The following SALL1 variants were observed in gnomAD, a reference collection of about 807,000 sequenced individuals.
SALL1 encodes the protein spalt like transcription factor 1.
Under a neutral mutation model 73.1 loss-of-function variants are expected in SALL1, and 10 were observed. The ratio of observed to expected loss-of-function variants is 0.14; its 90% CI spans 0.08 to 0.23. SALL1 has a LOEUF of 0.23. SALL1 is among the 10% of genes least tolerant of loss of function. The pLI, the probability that SALL1 is intolerant of heterozygous loss-of-function variation, is 1.00. For missense variants in SALL1, 1,520 were observed against 1,697.3 expected, an observed-to-expected ratio of 0.90 and a Z score of 1.84; for synonymous variants, 688 against 689.8, an observed-to-expected ratio of 1.00 and a Z score of 0.04.
chr16:51,138,881 G>T lies in SALL1; in HGVS notation c.3341C>A (p.Ser1114Tyr). 1.2e-6 allele frequency: 2 copies of T among 1,614,228 alleles called. No individual in the cohort carries two copies. Among genetic ancestry groups the T allele is most frequent in the Non-Finnish European group, 1.7e-6 (2 of 1,180,050 alleles). The change falls in exon 2 of 3, where the codon TCT (serine) becomes TAT (tyrosine). Residue 1114 changes from serine to tyrosine, a missense_variant. Around this residue, in one of 7 missense-constraint regions of SALL1, gnomAD observed 318 missense variants for 357.1 expected, o/e 0.89. Coordinates refer to ENST00000251020, the MANE Select transcript of SALL1 (RefSeq NM_002968.3). ...CAGAACTGGGGATGTGGCAGAGGAA[G>T]ACAGAGGCCCAGACGGGACGTGACT... ...PTSHVPSGPL[S>Y]SSATSPVLLP...
In SALL1 at chr16:51,141,471, G is replaced by A. The variant is rs772476680; in HGVS notation, c.751C>T (p.Arg251Cys). ...IHQLQLIEQI[R>C]HQILLLASQN... is the part of the protein sequence containing the mutation. ...GAAGCCAACAGCAATATTTGGTGAC[G>A]AATCTGTTCGATCAATTGCAGCTGG... Residue 251 changes from arginine to cysteine, a missense_variant, in exon 2 of 3, where the codon CGT (arginine) becomes TGT (cysteine). Physicochemically the swap from Arg to Cys is radical, Grantham distance 180. Around this residue, in one of 7 missense-constraint regions of SALL1, gnomAD observed 540 missense variants for 567.5 expected, o/e 0.95. Transcript: ENST00000251020. This position sits in a 1 kb window ranked among gnomAD's most constrained non-coding sequence, Gnocchi z 5.4. 8.1e-6 allele frequency: 13 copies of A among 1,614,164 alleles called. No homozygotes were observed. The highest frequency in any genetic ancestry group is 3.3e-5 in the Admixed American group (2 of 60,032).
In SALL1 at chr16:51,141,101, G is replaced by T; in HGVS notation, c.1121C>A (p.Ser374Tyr). 6.2e-7 allele frequency: 1 copy of T among 1,614,236 alleles called. No individual in the cohort carries two copies. The highest frequency in any genetic ancestry group is 1.1e-5 in the South Asian group (1 of 91,082). ...ACTGCTTATTGCAAAAGCTGGTGAG[G>T]ACGATGATGAGACCGCTGGGTTGCT... The part of the protein sequence containing the change: ...HVSNPAVSSS[S>Y]SPAFAISSLL... Residue 374 changes from serine to tyrosine, a missense_variant, in exon 2 of 3, where the codon TCC (serine) becomes TAC (tyrosine). Ser to Tyr is a moderately radical substitution (Grantham distance 144, BLOSUM62 -2). Around this residue, in one of 7 missense-constraint regions of SALL1, gnomAD observed 540 missense variants for 567.5 expected, o/e 0.95. Transcript: ENST00000251020. This position sits in a 1 kb window ranked among gnomAD's most constrained non-coding sequence, Gnocchi z 5.4.
Position 51,141,446 on chromosome 16 carries a change from G to A in SALL1, c.776C>T (p.Ser259Phe). Residue 259 changes from serine to phenylalanine, a missense_variant, in exon 2 of 3, where the codon TCT becomes TTT. Ser to Phe is a radical substitution (Grantham distance 155). This residue lies in a region of SALL1 where 540 missense variants were observed against 567.5 expected (regional missense o/e 0.95). Coordinates refer to ENST00000251020, the MANE Select transcript of SALL1 (RefSeq NM_002968.3). The surrounding 1 kb of genome is among the most constrained non-coding windows in gnomAD (Gnocchi z 5.4). ...AGATGTTGGCAAGTCTGCATTCTGA[G>A]AAGCCAACAGCAATATTTGGTGACG... ...QIRHQILLLASQNADLPTSSS... is the reference protein window; with the variant it reads ...QIRHQILLLAFQNADLPTSSS... 1.2e-6 allele frequency: 2 copies of A among 1,614,192 alleles called. No individual in the cohort carries two copies. The highest frequency in any genetic ancestry group is 8.5e-7 in the Non-Finnish European group (1 of 1,180,052).
Position 51,140,240 on chromosome 16 carries a change from G to A in SALL1, c.1982C>T (p.Pro661Leu). 1 of 1,614,216 alleles carries A rather than the reference G, an allele frequency of 6.2e-7. No homozygotes were observed. Among genetic ancestry groups the A allele is most frequent in the Non-Finnish European group, 8.5e-7 (1 of 1,180,054 alleles). Residue 661 changes from proline (P) to leucine (L), a missense_variant, in exon 2 of 3, where the codon CCT (proline) becomes CTT (leucine). Pro to Leu is a moderately conservative substitution (Grantham distance 98, BLOSUM62 -3). Transcript: ENST00000251020. The surrounding 1 kb of genome is among the most constrained non-coding windows in gnomAD (Gnocchi z 5.7). ...PAGSATTFTN[P>L]LLPLMSEQFK... ...CTGCTCGGACATGAGCGGCAACAAA[G>A]GGTTGGTGAAGGTGGTGGCACTGCC... is the stretch of plus-strand genomic sequence containing the variant.
In SALL1 at chr16:51,141,547, G is replaced by C. The variant is rs144398338; in HGVS notation, c.675C>G (p.Ala225=). The change falls in exon 2 of 3, where the codon GCC becomes GCG. Residue 225 remains alanine (A), a synonymous_variant. Transcript: ENST00000251020. The surrounding 1 kb of genome is among the most constrained non-coding windows in gnomAD (Gnocchi z 5.4). ...RCGGASGGKL[A]VPALMEQLLA... is the part of the protein sequence containing the mutation. Reference sequence around the variant, plus strand: ...GGAGTTGTTCCATGAGGGCTGGGACGGCCAGCTTGCCCCCAGAGGCCCCGC... The same window carrying C: ...GGAGTTGTTCCATGAGGGCTGGGACCGCCAGCTTGCCCCCAGAGGCCCCGC... The C allele has an allele frequency of 6.2e-7, 1 of 1,614,070 alleles. No individual in the cohort carries two copies.
At chr16:51,143,842 G>C (rs1374483671) in intron 1 of SALL1, among the ~76,000 whole-genome samples, 1 of 152,150 alleles carries the variant, frequency 6.6e-6, no homozygotes, top group African/African-American at 2.4e-5. Context: ...TAACAAGCTA[G>C]CTTTCCTAAT....
At chr16:51,150,682 C>G (rs983561291) in intron 1 of SALL1, 17 of 661,252 alleles carry the variant, frequency 2.6e-5, no homozygotes, top group Non-Finnish European at 3.0e-5. Flanking sequence ...CGGAGTTCAG[C>G]CCAGCGCCCG....
upstream of SALL1, chr16:51,151,291 T>C: frequency 1.5e-6 from 2 of 1,357,496 alleles, no homozygotes; most frequent in Non-Finnish European, 2.0e-6. Context: ...TAAAAAAAAA[T>C]CTTCTCAAAA....
At chr16:51,150,431 G>A (rs991858345) in intron 1 of SALL1, 44 of 985,448 alleles carry the variant, frequency 4.5e-5, no homozygotes, top group Non-Finnish European at 5.2e-5. Context: ...AAGAGATGCG[G>A]AGATAAATTT....
At chr16:51,151,402 C>T, upstream of SALL1, 2 of 242,378 alleles carry the variant, frequency 8.3e-6, no homozygotes, top group Non-Finnish European at 1.5e-5. Context: ...GCGCATGTGT[C>T]CTGCTATAAT....
In SALL1 at chr16:51,139,853, C is replaced by G. The variant is rs1447361846; in HGVS notation, c.2369G>C (p.Gly790Ala). 6.2e-7 allele frequency: 1 copy of G among 1,614,178 alleles called. No individual in the cohort carries two copies. The highest frequency in any genetic ancestry group is 8.5e-7 in the Non-Finnish European group (1 of 1,180,038). The change falls in exon 2 of 3, where the codon GGA becomes GCA. Residue 790 changes from glycine (G) to alanine (A), a missense_variant. Gly to Ala is a moderately conservative substitution (Grantham distance 60). Transcript: ENST00000251020. ...GACTGGGGTGTTGGGGATCTGGCCT[C>G]CCATATGCATTCGGATGTGCTGCTG... ...VLQQHIRMHM[G>A]GQIPNTPVPD...
chr16:51,139,880 A>G lies in SALL1; in HGVS notation c.2342T>C (p.Leu781Pro). 1 of 1,614,202 alleles carries G rather than the reference A, an allele frequency of 6.2e-7. No homozygotes were observed. Among genetic ancestry groups the G allele is most frequent in the Non-Finnish European group, 8.5e-7 (1 of 1,180,042 alleles). ...CATATGCATTCGGATGTGCTGCTGCAGGACCACAGCGTTCGTGAACTTCTT... is the reference window on the plus strand; with the variant it reads ...CATATGCATTCGGATGTGCTGCTGCGGGACCACAGCGTTCGTGAACTTCTT... The part of the protein sequence containing the change: ...CQKKFTNAVV[L>P]QQHIRMHMGG... Residue 781 changes from leucine to proline, a missense_variant, in exon 2 of 3, where the codon CTG becomes CCG. Physicochemically the swap from Leu to Pro is moderately conservative, Grantham distance 98. This residue lies in a region of SALL1 where 77 missense variants were observed against 117.2 expected (regional missense o/e 0.66). Coordinates refer to ENST00000251020, the MANE Select transcript of SALL1 (RefSeq NM_002968.3).
upstream of SALL1, chr16:51,151,383 G>A: frequency 4.0e-6 from 1 of 252,272 alleles, no homozygotes; most frequent in Non-Finnish European, 6.4e-6. Flanking sequence ...CCCCGGCCCC[G>A]GGCGCAGCGC....
In SALL1 at chr16:51,141,741, CGCCGCTGCTGCTGCTGCTGCT is replaced by C. The variant is rs747995210; in HGVS notation, c.460_480del (p.Ser154_Gly160del). The C allele has an allele frequency of 5.0e-6, 8 of 1,609,494 alleles. No individual in the cohort carries two copies. The Admixed American group carries it at 1.3e-4, about 27-fold the overall frequency. On this transcript the variant is annotated inframe_deletion, in exon 2 of 3. Coordinates refer to ENST00000251020, the MANE Select transcript of SALL1 (RefSeq NM_002968.3). This position sits in a 1 kb window ranked among gnomAD's most constrained non-coding sequence, Gnocchi z 5.4. ...GTACCTGTGGAGGAGCTGCCGCCGC[CGCCGCTGCTGCTGCTGCTGCT>C]GCTGCTGCTGCTTGGGGCGGTACTG...
rs199780238 is a variant in SALL1, at chr16:51,139,835, G to C, written c.2387C>G (p.Thr796Ser). 1 of 1,614,224 alleles carries C rather than the reference G, an allele frequency of 6.2e-7. No homozygotes were observed. The highest frequency in any genetic ancestry group is 8.5e-7 in the Non-Finnish European group (1 of 1,180,046). ...RMHMGGQIPN[T>S]PVPDSYSESM... The stretch of plus-strand genomic sequence containing the variant: ...CTCAGAGTAGCTGTCGGGGACTGGG[G>C]TGTTGGGGATCTGGCCTCCCATATG... The change falls in exon 2 of 3, where the codon ACC becomes AGC. Residue 796 changes from threonine (T) to serine (S), a missense_variant. By Grantham distance (58) the Thr-to-Ser change is moderately conservative. This residue lies in a region of SALL1 where 266 missense variants were observed against 275.1 expected (regional missense o/e 0.97). Transcript: ENST00000251020.
In SALL1 at chr16:51,138,929, TGAG is replaced by T. The variant is rs1162199246; in HGVS notation, c.3290_3292del (p.Pro1097del). On this transcript the variant is annotated inframe_deletion, in exon 2 of 3. Coordinates refer to ENST00000251020, the MANE Select transcript of SALL1 (RefSeq NM_002968.3). Reference sequence around the variant, plus strand: ...ACTGGTGGGGGTGTCCTTACTGTCCTGAGGAGAAACATGCACGAAGCCGTTGAC... The same window carrying T: ...ACTGGTGGGGGTGTCCTTACTGTCCTGAGAAACATGCACGAAGCCGTTGAC... 2 of 1,614,154 alleles carry T rather than the reference TGAG, an allele frequency of 1.2e-6. No homozygotes were observed. The highest frequency in any genetic ancestry group is 1.1e-5 in the South Asian group (1 of 91,074).
At chr16:51,151,644 C>T (rs1328468630), upstream of SALL1, among the ~76,000 whole-genome samples, 2 of 151,412 alleles carry the variant, frequency 1.3e-5, no homozygotes, top group Non-Finnish European at 3.0e-5. Context: ...GACTCCGCGG[C>T]CCGGCCGCCG....
Position 51,137,565 on chromosome 16 carries a change from G to C in SALL1, c.3535-13C>G. On this transcript the variant is annotated splice_polypyrimidine_tract_variant and intron_variant, in intron 2 of 2. Coordinates refer to ENST00000251020, the MANE Select transcript of SALL1 (RefSeq NM_002968.3). Reference sequence around the variant, plus strand: ...TGCCCATGTGTACCTGAGATATGGGGAGGGCAGGCAGAGAGACAGAGAGAG... The same window carrying C: ...TGCCCATGTGTACCTGAGATATGGGCAGGGCAGGCAGAGAGACAGAGAGAG... 1 of 1,603,060 alleles carries C rather than the reference G, an allele frequency of 6.2e-7. No homozygotes were observed. The highest frequency in any genetic ancestry group is 8.5e-7 in the Non-Finnish European group (1 of 1,171,022).
rs748203840 is a variant in SALL1, at chr16:51,139,551, C to A, written c.2671G>T (p.Gly891Trp). 1.2e-6 allele frequency: 2 copies of A among 1,614,208 alleles called. No homozygotes were observed. Among genetic ancestry groups the A allele is most frequent in the Admixed American group, 1.7e-5 (1 of 60,028 alleles). Residue 891 changes from glycine (G) to tryptophan (W), a missense_variant, in exon 2 of 3, where the codon GGG (glycine) becomes TGG (tryptophan). Around this residue, in one of 7 missense-constraint regions of SALL1, gnomAD observed 266 missense variants for 275.1 expected, o/e 0.97. Transcript: ENST00000251020. ...GTCAGGACATCCCCCTCGATGGACCCATTCTCCACTGACTTCAGGCTGGCC... is the reference window on the plus strand; with the variant it reads ...GTCAGGACATCCCCCTCGATGGACCAATTCTCCACTGACTTCAGGCTGGCC... ...LQASLKSVEN[G>W]SIEGDVLTND...
Sources: allele counts gnomAD v4.1 joint callset (sites outside exome capture counted in the v4.1 genomes callset), GRCh38; gene constraint gnomAD v4.1.1; regional missense constraint gnomAD v4.1.1; non-coding constraint Gnocchi (gnomAD v3.1); transcripts MANE v1.5; gene names NCBI Gene and HGNC (gene_info 2026-07-23, HGNC 2026-07-21).